Variants in PIK3CB observed in about 807,000 individuals in gnomAD.
PIK3CB encodes phosphatidylinositol-4,5-bisphosphate 3-kinase catalytic subunit beta.
Under a neutral mutation model 136.8 loss-of-function variants are expected in PIK3CB, and 39 were observed. That is an observed-to-expected ratio of 0.29 (90% CI 0.22 to 0.37). PIK3CB has a LOEUF of 0.37. PIK3CB is among the 10% of genes least tolerant of loss of function. PIK3CB has a pLI of 1.00. For missense variants in PIK3CB, 868 were observed against 1,275.4 expected, an observed-to-expected ratio of 0.68 and a Z score of 4.87; for synonymous variants, 428 against 436.6, an observed-to-expected ratio of 0.98 and a Z score of 0.25.
At chr3:138,684,548 C>T (rs625468) in intron 17 of PIK3CB, 77 bp downstream of exon 17, 543,752 of 994,534 alleles carry the variant, frequency 0.55, 157,031 homozygotes, top group East Asian at 0.98. Context: ...TGACAGCTGG[C>T]CCTACTACTC....
intron 4 of PIK3CB, among the ~76,000 whole-genome samples, chr3:138,752,465 A>C (rs1196778840): frequency 1.3e-5 from 2 of 152,228 alleles, no homozygotes; most frequent in African/African-American, 4.8e-5. Flanking sequence ...TTAAAAGTGA[A>C]AATTCATTCT....
At position 138,690,734 on chromosome 3, in the gene PIK3CB, AAAAG is replaced by A. The variant is rs1306441802; in HGVS notation, c.2036+262_2036+265del. Reference sequence around the variant, plus strand: ...GTAGAAAACACACACAAAAAAAAAAAAAAGAAAGGAAGGAAGAAATGAAGAAATC... The same window carrying A: ...GTAGAAAACACACACAAAAAAAAAAAAAAGGAAGGAAGAAATGAAGAAATC... On this transcript the variant is annotated intron_variant, in intron 15 of 23. Transcript: ENST00000674063. Among the ~76,000 whole-genome samples the A allele has an allele frequency of 4.0e-5, 6 of 151,810 alleles. No individual in the cohort carries two copies. The South Asian group carries it at 1.0e-3, about 26-fold the overall frequency.
intron 13 of PIK3CB, among the ~76,000 whole-genome samples, chr3:138,697,269 T>C (rs2044157479): frequency 6.6e-6 from 1 of 152,192 alleles, no homozygotes; most frequent in Admixed American, 6.5e-5. Flanking sequence ...AAACGAATCC[T>C]GAATTTAGAT....
chr3:138,662,937 A>C (rs1424006107), intron 21 of PIK3CB, among the ~76,000 whole-genome samples: 3 of 152,170 alleles, frequency 2.0e-5, no homozygotes. Context: ...TAAACGTTAG[A>C]CCTAAAACCA....
chr3:138,759,869 G>T (rs570141961), intron 2 of PIK3CB, among the ~76,000 whole-genome samples: 42 of 151,586 alleles, frequency 2.8e-4, no homozygotes, highest in African/African-American at 8.5e-4. Context: ...AATCAAGAGG[G>T]CCCTCTCTCA....
chr3:138,825,717 T>A (rs1422952412), intron 1 of PIK3CB: 2 of 673,640 alleles, frequency 3.0e-6, no homozygotes, highest in Admixed American at 4.7e-5. Flanking sequence ...AAACTGGTGA[T>A]ATTGGTACTG....
At chr3:138,819,335 A>G (rs1331081564) in intron 1 of PIK3CB, among the ~76,000 whole-genome samples, 1 of 151,652 alleles carries the variant, frequency 6.6e-6, no homozygotes, top group Non-Finnish European at 1.5e-5. Context: ...CGACAGAGTG[A>G]GACTCCGTCT....
intron 1 of PIK3CB, among the ~76,000 whole-genome samples, chr3:138,829,268 A>G (rs1933921805): frequency 6.6e-6 from 1 of 152,132 alleles, no homozygotes; most frequent in African/African-American, 2.4e-5. Flanking sequence ...AAAATAAAAT[A>G]AAATAAAAAT....
Position 138,714,516 on chromosome 3 carries a change from T to C in PIK3CB, c.1254A>G (p.Lys418=). Residue 418 remains lysine, a synonymous_variant, in exon 9 of 24, where the codon AAA becomes AAG. Coordinates refer to ENST00000674063, the MANE Select transcript of PIK3CB (RefSeq NM_006219.3). Reference sequence around the variant, plus strand: ...TCTGATATTTAGAGGGATTAATAGTTTTCGTTGATTTCTTCGTTTTTACTT... The same window carrying C: ...TCTGATATTTAGAGGGATTAATAGTCTTCGTTGATTTCTTCGTTTTTACTT... ...LDKVKTKKST[K]TINPSKYQTI... 2 of 1,612,026 alleles carry C rather than the reference T, an allele frequency of 1.2e-6. No individual in the cohort carries two copies. Among genetic ancestry groups the C allele is most frequent in the Non-Finnish European group, 1.7e-6 (2 of 1,178,120 alleles).
At chr3:138,832,860 A>C (rs1934103109) in intron 1 of PIK3CB, among the ~76,000 whole-genome samples, 1 of 148,174 alleles carries the variant, frequency 6.7e-6, no homozygotes, top group African/African-American at 2.5e-5. Flanking sequence ...CAAAATTGAA[A>C]GATTGGCCAG....
chr3:138,763,373 A>C (rs1421872367), intron 2 of PIK3CB, among the ~76,000 whole-genome samples: 1 of 152,032 alleles, frequency 6.6e-6, no homozygotes, highest in Non-Finnish European at 1.5e-5. Flanking sequence ...TCCTGACCTC[A>C]TGATCCACCC....
chr3:138,798,875 C>G (rs189948113), intron 1 of PIK3CB, among the ~76,000 whole-genome samples: 1 of 151,952 alleles, frequency 6.6e-6, no homozygotes, highest in Non-Finnish European at 1.5e-5. Context: ...TTGCTTCTCT[C>G]GGGGTCCGGG....
chr3:138,779,904 C>CCAAAA (rs1253515758), intron 2 of PIK3CB, among the ~76,000 whole-genome samples: 4 of 152,056 alleles, frequency 2.6e-5, no homozygotes, highest in Non-Finnish European at 5.9e-5. Context: ...AAGTTAATCT[C>CCAAAA]TAAAATTAGA....
chr3:138,721,826 C>G (rs967592791), intron 8 of PIK3CB, among the ~76,000 whole-genome samples: 1 of 152,034 alleles, frequency 6.6e-6, no homozygotes, highest in Non-Finnish European at 1.5e-5. Flanking sequence ...ATTATTTTGC[C>G]TACTATAATA....
chr3:138,663,156 C>T (rs1270492383), intron 21 of PIK3CB, among the ~76,000 whole-genome samples: 1 of 152,088 alleles, frequency 6.6e-6, no homozygotes, highest in African/African-American at 2.4e-5. Flanking sequence ...TCGCAACCTA[C>T]TCATCTGACA....
chr3:138,684,749 C>T lies in PIK3CB; in HGVS notation c.2191G>A (p.Val731Met), dbSNP rs775354147. ...TTCCCTTTGGCTCTGTTTAACTTCA[C>T]GGCATTCAGTTTGATTAAACTATTT... Reference protein sequence around the residue: ...TLNSLIKLNAVKLNRAKGKEA... With the variant: ...TLNSLIKLNAMKLNRAKGKEA... The change falls in exon 17 of 24, where the codon GTG becomes ATG. Residue 731 changes from valine to methionine, a missense_variant. By Grantham distance (21) the Val-to-Met change is conservative. Coordinates refer to ENST00000674063, the MANE Select transcript of PIK3CB (RefSeq NM_006219.3). The T allele has an allele frequency of 1.4e-5, 23 of 1,613,698 alleles. No individual in the cohort carries two copies. Among genetic ancestry groups the T allele is most frequent in the South Asian group, 1.2e-4 (11 of 91,072 alleles).
intron 4 of PIK3CB, among the ~76,000 whole-genome samples, chr3:138,746,340 G>A (rs2045353499): frequency 6.6e-6 from 1 of 151,732 alleles, no homozygotes; most frequent in South Asian, 2.1e-4. Context: ...CTGTTACCTT[G>A]ATTTTTTTTA....
intron 19 of PIK3CB, among the ~76,000 whole-genome samples, chr3:138,674,586 A>G (rs2043606272): frequency 6.6e-6 from 1 of 152,230 alleles, no homozygotes; most frequent in Non-Finnish European, 1.5e-5. Flanking sequence ...TTTAAAGTGA[A>G]CAGTTTTTGG....
At chr3:138,695,561 G>C (rs923139593) in intron 13 of PIK3CB, among the ~76,000 whole-genome samples, 7 of 151,968 alleles carry the variant, frequency 4.6e-5, no homozygotes, top group African/African-American at 1.7e-4. Context: ...ATCTAAATGA[G>C]TATCTACCAG....
Sources: gnomAD v4.1 joint callset for allele counts (sites outside exome capture counted in the v4.1 genomes callset) on GRCh38, gnomAD v4.1.1 for gene constraint, MANE v1.5 for transcripts, NCBI Gene and HGNC (gene_info 2026-07-23, HGNC 2026-07-21) for gene names.